Variants in RCOR1 observed in about 807,000 individuals in gnomAD.
The protein encoded by RCOR1 is REST corepressor 1, also known as REST corepressor.
RCOR1 carries 12 observed loss-of-function variants against 64.0 expected under a neutral mutation model. The observed-to-expected ratio is 0.19, with a 90% confidence interval of 0.12 to 0.30. The LOEUF (loss-of-function observed/expected upper bound fraction) is 0.30. Among genes scored for constraint, RCOR1 ranks in the 10% least tolerant of loss-of-function variants. The pLI is 1.00. For missense variants in RCOR1, 502 were observed against 621.2 expected (o/e 0.81, Z 2.04); for synonymous variants, 279 against 227.2 (o/e 1.23, Z -2.05).
At chr14:102,620,310 G>A (rs1344965689) in intron 2 of RCOR1, among the ~76,000 whole-genome samples, 2 of 152,164 alleles carry the variant, frequency 1.3e-5, no homozygotes, top group Non-Finnish European at 2.9e-5. Context: ...GCTCACGCCT[G>A]TAATCCCAGC....
At chr14:102,667,268 AG>A (rs758083145) in intron 2 of RCOR1, among the ~76,000 whole-genome samples, 30 of 152,178 alleles carry the variant, frequency 2.0e-4, no homozygotes, top group Non-Finnish European at 3.1e-4. Flanking sequence ...TGGGAGGCCA[AG>A]GCAGGTGGAT....
intron 6 of RCOR1, among the ~76,000 whole-genome samples, 157 bp downstream of exon 6, chr14:102,708,740 T>C (rs368165001): frequency 3.3e-5 from 5 of 151,746 alleles, no homozygotes; most frequent in East Asian, 3.9e-4. Flanking sequence ...ATTATTCAGG[T>C]ATTTTTTCTC....
chr14:102,729,641 T>A lies in RCOR1; in HGVS notation c.*3135T>A, dbSNP rs1310491164. The A allele has an allele frequency of 2.6e-6, 1 of 389,862 alleles. No individual in the cohort carries two copies. The highest frequency in any genetic ancestry group is 2.1e-5 in the African/African-American group (1 of 48,520). 24.2% of individuals were successfully genotyped at this position (389,862 alleles called of 1,614,324 possible). A position where few individuals can be genotyped will look rare whatever the true frequency, so the allele number is the denominator to read the frequency against. The stretch of plus-strand genomic sequence containing the variant: ...GTGGACTCATAAAACAGTGGCTTTC[T>A]GTTCATCTAAAGTTTCCTCAGATAC... On this transcript the variant is annotated 3_prime_UTR_variant, in exon 12 of 12. Coordinates refer to ENST00000262241, the MANE Select transcript of RCOR1 (RefSeq NM_015156.4).
At chr14:102,706,636 G>C (rs192269104) in intron 4 of RCOR1, among the ~76,000 whole-genome samples, 23 of 152,076 alleles carry the variant, frequency 1.5e-4, no homozygotes, top group Non-Finnish European at 2.1e-4. Context: ...GACCAGCCTG[G>C]GCAACATGGC....
At chr14:102,676,031 GTT>G (rs199759549) in intron 2 of RCOR1, among the ~76,000 whole-genome samples, 2,039 of 142,704 alleles carry the variant, frequency 0.014, 34 homozygotes, top group African/African-American at 0.048. Flanking sequence ...ATATTTCACA[GTT>G]TTTTTTTTTT....
intron 2 of RCOR1, among the ~76,000 whole-genome samples, chr14:102,666,688 T>C (rs1894921266): frequency 6.6e-6 from 1 of 152,192 alleles, no homozygotes; most frequent in African/African-American, 2.4e-5. Flanking sequence ...AGGATGTTTC[T>C]CAATTGGGAT....
intron 2 of RCOR1, among the ~76,000 whole-genome samples, chr14:102,680,080 C>G (rs1393115982): frequency 6.6e-6 from 1 of 152,134 alleles, no homozygotes; most frequent in Non-Finnish European, 1.5e-5. Flanking sequence ...TAGTTTCTCT[C>G]AGCAGTGTTT....
intron 2 of RCOR1, chr14:102,658,655 T>G (rs1894773166): frequency 1.0e-6 from 1 of 982,422 alleles, no homozygotes; most frequent in African/African-American, 1.7e-5. Context: ...ATCACCAAGG[T>G]GTGCTTGTCA....
chr14:102,602,529 G>A (rs543627648), intron 2 of RCOR1, among the ~76,000 whole-genome samples: 31 of 151,474 alleles, frequency 2.0e-4, no homozygotes, highest in Non-Finnish European at 3.5e-4. Context: ...TCAGCCTCCC[G>A]TGTAGCTAGG....
intron 10 of RCOR1, 140 bp from the exon 11 acceptor site, chr14:102,722,047 A>T: frequency 1.5e-6 from 1 of 655,528 alleles, no homozygotes; most frequent in Non-Finnish European, 2.7e-6. Flanking sequence ...ACTTTTTCCT[A>T]CTCTAATAAT....
At chr14:102,616,206 ATGTGTGTGTGTG>A (rs56991991) in intron 2 of RCOR1, among the ~76,000 whole-genome samples, 5,710 of 149,248 alleles carry the variant, frequency 0.038, 133 homozygotes, top group African/African-American at 0.039. Flanking sequence ...ACATGTGTAT[ATGTGTGTGTGTG>A]TGTGTGTGTG....
At chr14:102,602,226 A>G (rs939053806) in intron 2 of RCOR1, among the ~76,000 whole-genome samples, 1 of 151,934 alleles carries the variant, frequency 6.6e-6, no homozygotes, top group African/African-American at 2.4e-5. Flanking sequence ...GGAATAATCT[A>G]TGCTATTCAT....
intron 2 of RCOR1, among the ~76,000 whole-genome samples, chr14:102,681,559 A>G (rs1327713719): frequency 6.6e-6 from 1 of 152,264 alleles, no homozygotes; most frequent in Non-Finnish European, 1.5e-5. Flanking sequence ...ACTCAGGCAG[A>G]GAAGGGTAAG....
chr14:102,691,084 C>T (rs1895522154), intron 3 of RCOR1, among the ~76,000 whole-genome samples: 1 of 152,162 alleles, frequency 6.6e-6, no homozygotes, highest in Non-Finnish European at 1.5e-5. Flanking sequence ...GCTTGTGTAC[C>T]AAGCGCTAGC....
chr14:102,720,680 A>G (rs531750190), intron 8 of RCOR1, among the ~76,000 whole-genome samples: 2 of 152,192 alleles, frequency 1.3e-5, no homozygotes, highest in South Asian at 4.1e-4. Flanking sequence ...AAGCCCAGGG[A>G]TTTCTTCTGT....
rs117420418 is a variant in RCOR1 at position 102,594,921 on chromosome 14, G to A, written c.361+1596G>A. Among the ~76,000 whole-genome samples, 20 of 152,268 alleles carry A rather than the reference G, an allele frequency of 1.3e-4. No individual in the cohort carries two copies. The East Asian group carries it at 2.9e-3, about 22-fold the overall frequency. Reference sequence around the variant, plus strand: ...AAAATCGACTTCCACAAATCTTTGAGTAAGTTGGTAGGCTTTTTGATACAT... The same window carrying A: ...AAAATCGACTTCCACAAATCTTTGAATAAGTTGGTAGGCTTTTTGATACAT... On this transcript the variant is annotated intron_variant, in intron 2 of 11. Coordinates refer to ENST00000262241, the MANE Select transcript of RCOR1 (RefSeq NM_015156.4).
rs889717409 is a variant in RCOR1, at chr14:102,651,041, T to C, written c.362-30854T>C. 30 of 977,532 alleles carry C rather than the reference T, an allele frequency of 3.1e-5. No homozygotes were observed. The African/African-American group carries it at 5.1e-4, about 17-fold the overall frequency. The allele number at this position is 977,532 out of a possible 1,614,324, so 60.6% of individuals were successfully genotyped here. A position where few individuals can be genotyped will look rare whatever the true frequency, so the allele number is the denominator to read the frequency against. ...TTTAAAACACTAACTCCTAATTCAC[T>C]AGCAGCTAATAAAACTAACATTGTT... On this transcript the variant is annotated intron_variant, in intron 2 of 11. Coordinates refer to ENST00000262241, the MANE Select transcript of RCOR1 (RefSeq NM_015156.4).
chr14:102,701,536 G>A (rs573400779), intron 4 of RCOR1, among the ~76,000 whole-genome samples: 1 of 152,246 alleles, frequency 6.6e-6, no homozygotes, highest in South Asian at 2.1e-4. Flanking sequence ...AGGCATATCT[G>A]TCATCTGCAG....
chr14:102,682,800 C>T (rs941666265), intron 3 of RCOR1, among the ~76,000 whole-genome samples: 1 of 152,208 alleles, frequency 6.6e-6, no homozygotes, highest in African/African-American at 2.4e-5. Flanking sequence ...TCAGTGTTCA[C>T]AGTAACCCAG....
Sources: gnomAD v4.1 joint callset for allele counts (sites outside exome capture counted in the v4.1 genomes callset) on GRCh38, gnomAD v4.1.1 for gene constraint, MANE v1.5 for transcripts, NCBI Gene and HGNC (gene_info 2026-07-23, HGNC 2026-07-21) for gene names.